The following TMEM87B variants were observed in gnomAD, a reference collection of about 807,000 sequenced individuals.
The protein encoded by TMEM87B is transmembrane protein 87B.
TMEM87B carries 83 observed loss-of-function variants against 80.3 expected under a neutral mutation model. That is an observed-to-expected ratio of 1.03 (90% CI 0.87 to 1.24). The LOEUF (loss-of-function observed/expected upper bound fraction) is 1.24. TMEM87B is among the 50% of genes most tolerant of loss of function. The probability of loss-of-function intolerance (pLI) is 0.00; values close to 1 mark genes in which losing one functional copy is unlikely to be tolerated. For synonymous variants in TMEM87B, 219 were observed against 230.5 expected, an observed-to-expected ratio of 0.95 and a Z score of 0.45; for missense variants, 625 against 674.4, an observed-to-expected ratio of 0.93 and a Z score of 0.81.
rs764146566 is a variant in TMEM87B, at chr2:112,097,327, A to G, written c.1272+36A>G. On this transcript the variant is annotated intron_variant, in intron 13 of 18. Coordinates refer to ENST00000283206, the MANE Select transcript of TMEM87B (RefSeq NM_032824.3). ...CCTTCCTATTTAAACAGTTATTTTT[A>G]TTTATACTATTTTGTAGAATTTTGA... 2.0e-6 allele frequency: 3 copies of G among 1,487,404 alleles called. No homozygotes were observed. In the South Asian group the frequency reaches 3.7e-5, roughly 18 times the overall value. The allele number at this position is 1,487,404 out of a possible 1,614,324, so 92.1% of individuals were successfully genotyped here. A position where few individuals can be genotyped will look rare whatever the true frequency, so the allele number is the denominator to read the frequency against.
At position 112,112,903 on chromosome 2, in the gene TMEM87B, C is replaced by CT; in HGVS notation, c.1584dup (p.Pro529SerfsTer8). 6.2e-7 allele frequency: 1 copy of CT among 1,613,006 alleles called. No homozygotes were observed. The highest frequency in any genetic ancestry group is 2.2e-5 in the East Asian group (1 of 44,822). ...TTTTTTTCCCTTTTATTTCAGAGCT[C>CT]TTCCAGTGTTAGTGGATTCAGATGA... On this transcript the variant is annotated frameshift_variant, in exon 18 of 19. Transcript: ENST00000283206. LOFTEE classifies it high-confidence loss of function.
chr2:112,105,381 A>G (rs1679738486), intron 15 of TMEM87B, among the ~76,000 whole-genome samples: 2 of 152,216 alleles, frequency 1.3e-5, no homozygotes. Context: ...ATATGTGCTA[A>G]CTTGTTCAAT....
At chr2:112,085,744 A>G (rs2104480693) in intron 8 of TMEM87B, among the ~76,000 whole-genome samples, 1 of 152,376 alleles carries the variant, frequency 6.6e-6, no homozygotes, top group South Asian at 2.1e-4. Flanking sequence ...AGGGAAGCTC[A>G]GGGAGACAGT....
At chr2:112,113,476 G>A (rs961052738) in intron 18 of TMEM87B, among the ~76,000 whole-genome samples, 5 of 152,312 alleles carry the variant, frequency 3.3e-5, no homozygotes, top group Admixed American at 2.0e-4. Flanking sequence ...AACTTGTATG[G>A]TGGCTGTAGC....
intron 1 of TMEM87B, among the ~76,000 whole-genome samples, chr2:112,058,200 A>G (rs1678140987): frequency 6.6e-6 from 1 of 152,194 alleles, no homozygotes; most frequent in Non-Finnish European, 1.5e-5. Context: ...AGTGCAGGAA[A>G]TTATTGGTGT....
chr2:112,067,144 C>T lies in TMEM87B; in HGVS notation c.450+77C>T, dbSNP rs544062142. ...AGTATCAACTGAAGTAATGTTTTAT[C>T]GGAATTTTGATAAAGGTGGTATCTG... is the stretch of plus-strand genomic sequence containing the variant. On this transcript the variant is annotated intron_variant, in intron 4 of 18. Coordinates refer to ENST00000283206, the MANE Select transcript of TMEM87B (RefSeq NM_032824.3). 6.8e-5 allele frequency: 105 copies of T among 1,536,112 alleles called. 1 individual carries two copies. The African/African-American group carries it at 1.0e-3, about 15-fold the overall frequency.
intron 8 of TMEM87B, among the ~76,000 whole-genome samples, chr2:112,083,602 T>G (rs918559086): frequency 1.3e-5 from 2 of 152,160 alleles, no homozygotes; most frequent in Non-Finnish European, 2.9e-5. Flanking sequence ...AACTTTAAAA[T>G]GGTACCAGTG....
chr2:112,078,934 T>G (rs1678905689), intron 6 of TMEM87B, among the ~76,000 whole-genome samples: 1 of 152,166 alleles, frequency 6.6e-6, no homozygotes, highest in Admixed American at 6.5e-5. Context: ...TTGGCACAGG[T>G]TTTTAGAATA....
intron 1 of TMEM87B, 110 bp from the exon 2 acceptor site, chr2:112,059,867 C>G: frequency 7.5e-7 from 1 of 1,337,792 alleles, no homozygotes; most frequent in South Asian, 1.6e-5. Context: ...TAAAAAAATA[C>G]TCTTGTCAGA....
intron 11 of TMEM87B, chr2:112,095,296 G>A (rs1679435784): frequency 5.1e-6 from 5 of 977,582 alleles, no homozygotes; most frequent in Non-Finnish European, 4.8e-6. Flanking sequence ...GCTTGTGCTG[G>A]TGGATATCCT....
At chr2:112,077,168 G>T in intron 5 of TMEM87B, 24 bp from the exon 6 acceptor site, 1 of 1,387,286 alleles carries the variant, frequency 7.2e-7, no homozygotes, top group South Asian at 1.3e-5. Context: ...AAATAATGAA[G>T]AATTTTTTTC....
rs1023890882 is a variant in TMEM87B, at chr2:112,100,647, G to A, written c.1402G>A (p.Asp468Asn). 1.9e-6 allele frequency: 3 copies of A among 1,609,802 alleles called. No homozygotes were observed. Among genetic ancestry groups the A allele is most frequent in the African/African-American group, 2.7e-5 (2 of 74,816 alleles). Reference sequence around the variant, plus strand: ...ATATGCCTTCATGCCCTTAATAGATGATTCTGATGATGAAATTGAGGAATT... The same window carrying A: ...ATATGCCTTCATGCCCTTAATAGATAATTCTGATGATGAAATTGAGGAATT... ...QRYAFMPLID[D>N]SDDEIEEFMV... The change falls in exon 15 of 19, where the codon GAT becomes AAT. Residue 468 changes from aspartate to asparagine, a missense_variant. By Grantham distance (23) the Asp-to-Asn change is conservative (BLOSUM62 1). Coordinates refer to ENST00000283206, the MANE Select transcript of TMEM87B (RefSeq NM_032824.3).
chr2:112,058,381 G>A (rs1678146816), intron 1 of TMEM87B, among the ~76,000 whole-genome samples: 1 of 152,214 alleles, frequency 6.6e-6, no homozygotes, highest in Non-Finnish European at 1.5e-5. Context: ...CAGGACTGGA[G>A]GGGGTAGTGA....
chr2:112,105,726 G>C (rs899391660), intron 15 of TMEM87B: 1 of 277,098 alleles, frequency 3.6e-6, no homozygotes, highest in Non-Finnish European at 6.7e-6. Flanking sequence ...AAGGAAATAT[G>C]TATGCATGTA....
At chr2:112,074,739 T>G (rs551239356) in intron 4 of TMEM87B, among the ~76,000 whole-genome samples, 173 bp from the exon 5 acceptor site, 1 of 152,288 alleles carries the variant, frequency 6.6e-6, no homozygotes. Flanking sequence ...TAGGGGCAAT[T>G]TTTCAAAAGC....
At chr2:112,065,537 C>A (rs74677818) in intron 3 of TMEM87B, among the ~76,000 whole-genome samples, 3 of 149,670 alleles carry the variant, frequency 2.0e-5, no homozygotes, top group Non-Finnish European at 4.4e-5. Flanking sequence ...CCCAGCTGTT[C>A]GGGAGGTTTA....
Position 112,089,647 on chromosome 2 carries a change from C to T in TMEM87B, c.961C>T (p.His321Tyr), listed in dbSNP as rs1239878861. 2 of 1,614,160 alleles carry T rather than the reference C, an allele frequency of 1.2e-6. No individual in the cohort carries two copies. The highest frequency in any genetic ancestry group is 4.5e-5 in the East Asian group (2 of 44,874). The change falls in exon 10 of 19, where the codon CAC becomes TAC. Residue 321 changes from histidine to tyrosine, a missense_variant. Coordinates refer to ENST00000283206, the MANE Select transcript of TMEM87B (RefSeq NM_032824.3). The part of the protein sequence containing the change: ...IVKPRLGTVM[H>Y]RVIGLGLLYL... ...CAGGCCTCGTTTAGGAACAGTCATG[C>T]ACCGGGTGATCGGACTGGGGCTTCT...
chr2:112,085,663 C>G (rs780659513), intron 8 of TMEM87B, among the ~76,000 whole-genome samples: 1 of 152,182 alleles, frequency 6.6e-6, no homozygotes, highest in Non-Finnish European at 1.5e-5. Context: ...GAAAAGAGAA[C>G]TCTAGAGGAT....
chr2:112,082,671 T>C (rs757418757), intron 8 of TMEM87B, among the ~76,000 whole-genome samples: 1 of 151,622 alleles, frequency 6.6e-6, no homozygotes, highest in African/African-American at 2.4e-5. Context: ...TGTGTGTGTG[T>C]GTGTGCGTGT....
Sources: gnomAD v4.1 joint callset for allele counts (sites outside exome capture counted in the v4.1 genomes callset) on GRCh38, gnomAD v4.1.1 for gene constraint, MANE v1.5 for transcripts, NCBI Gene and HGNC (gene_info 2026-07-23, HGNC 2026-07-21) for gene names.